The following TNNI3K variants were observed in gnomAD, a reference collection of about 807,000 sequenced individuals.
The protein encoded by TNNI3K is serine/threonine-protein kinase TNNI3K.
In TNNI3K, 140 loss-of-function variants were observed where a neutral mutation model predicts 114.5. The observed-to-expected ratio is 1.22, with a 90% CI of 1.07 to 1.41. The LOEUF is 1.41. Among genes scored for constraint, TNNI3K ranks in the 40% most tolerant of loss-of-function variants. The pLI is 0.00. For missense variants in TNNI3K, 1,125 were observed against 1,007.6 expected (o/e 1.12, Z -1.58); for synonymous variants, 347 against 347.5 (o/e 1.00, Z 0.02).
At chr1:74,500,973 A>T (rs1669595638) in intron 23 of TNNI3K, among the ~76,000 whole-genome samples, 1 of 152,020 alleles carries the variant, frequency 6.6e-6, no homozygotes, top group Non-Finnish European at 1.5e-5. Flanking sequence ...TTTACTTGTG[A>T]TATATTATGT....
intron 20 of TNNI3K, 91 bp from the exon 21 acceptor site, chr1:74,463,350 T>C: frequency 1.6e-5 from 23 of 1,405,288 alleles, no homozygotes; most frequent in Non-Finnish European, 2.3e-5. Flanking sequence ...CTCAGATTGA[T>C]TTTTAATGCC....
chr1:74,426,197 G>A (rs185318632), intron 17 of TNNI3K, among the ~76,000 whole-genome samples: 3 of 152,228 alleles, frequency 2.0e-5, no homozygotes, highest in Admixed American at 2.0e-4. Context: ...GGTAAAAGCA[G>A]TTTCCTTTCC....
chr1:74,300,798 TTTG>T lies in TNNI3K; in HGVS notation c.444+29096_444+29098del, dbSNP rs570162847. Among the ~76,000 whole-genome samples, 474 of 152,294 alleles carry T rather than the reference TTTG, an allele frequency of 3.1e-3. 2 individuals carry two copies. The highest frequency in any genetic ancestry group is 0.011 in the African/African-American group (449 of 41,562). On this transcript the variant is annotated intron_variant, in intron 5 of 24. Transcript: ENST00000326637. The stretch of plus-strand genomic sequence containing the variant: ...AACAAATTTAAATTTAAATGCCAGT[TTTG>T]TTGTTTGCTATCTGGCTAGCCTTGG...
At chr1:74,540,385 G>T in intron 24 of TNNI3K, 72 bp downstream of exon 24, 5 of 1,436,776 alleles carry the variant, frequency 3.5e-6, no homozygotes, top group Non-Finnish European at 4.8e-6. Context: ...TGACAAAAAG[G>T]GAGAAAGCAT....
chr1:74,466,575 G>A (rs1422233957), intron 21 of TNNI3K, among the ~76,000 whole-genome samples: 1 of 152,148 alleles, frequency 6.6e-6, no homozygotes, highest in African/African-American at 2.4e-5. Flanking sequence ...GATGAAGAGG[G>A]GAAGATGAAG....
chr1:74,501,226 T>C (rs1669608210), intron 23 of TNNI3K, among the ~76,000 whole-genome samples: 1 of 152,208 alleles, frequency 6.6e-6, no homozygotes, highest in Admixed American at 6.5e-5. Context: ...TCCAATTCAC[T>C]TATTCTCTCA....
intron 17 of TNNI3K, among the ~76,000 whole-genome samples, chr1:74,379,758 C>T (rs760561805): frequency 2.0e-5 from 3 of 152,096 alleles, no homozygotes; most frequent in Non-Finnish European, 2.9e-5. Flanking sequence ...CCCAAACATT[C>T]TCATGACATT....
chr1:74,445,760 G>A (rs376377502), intron 20 of TNNI3K, among the ~76,000 whole-genome samples: 54 of 151,706 alleles, frequency 3.6e-4, no homozygotes, highest in East Asian at 5.9e-4. Context: ...ACAGGCGCCC[G>A]CCACTACGCC....
At chr1:74,409,311 C>T (rs974815226) in intron 17 of TNNI3K, among the ~76,000 whole-genome samples, 11 of 152,106 alleles carry the variant, frequency 7.2e-5, no homozygotes, top group African/African-American at 2.4e-4. Flanking sequence ...ATCCAAATCT[C>T]CTTACTCAAT....
At chr1:74,255,524 T>C (rs371606923) in intron 4 of TNNI3K, among the ~76,000 whole-genome samples, 2 of 152,208 alleles carry the variant, frequency 1.3e-5, no homozygotes, top group African/African-American at 4.8e-5. Flanking sequence ...ATCTCTGCTT[T>C]CATTAATAAA....
At chr1:74,293,128 A>G (rs1434837671) in intron 5 of TNNI3K, among the ~76,000 whole-genome samples, 1 of 151,684 alleles carries the variant, frequency 6.6e-6, no homozygotes, top group East Asian at 1.9e-4. Flanking sequence ...ATTTTATTCT[A>G]CCCTAGACAG....
At chr1:74,313,425 G>C (rs1310527002) in intron 5 of TNNI3K, among the ~76,000 whole-genome samples, 5 of 152,180 alleles carry the variant, frequency 3.3e-5, no homozygotes, top group Admixed American at 3.3e-4. Flanking sequence ...AGCCACCCTA[G>C]ACTCATAATT....
chr1:74,488,262 C>A (rs1346559439), intron 21 of TNNI3K, among the ~76,000 whole-genome samples: 1 of 152,018 alleles, frequency 6.6e-6, no homozygotes, highest in Non-Finnish European at 1.5e-5. Flanking sequence ...TCCACTGCTC[C>A]CACTGCTCCC....
At chr1:74,521,774 G>A (rs191665978) in intron 23 of TNNI3K, among the ~76,000 whole-genome samples, 1 of 152,130 alleles carries the variant, frequency 6.6e-6, no homozygotes, top group African/African-American at 2.4e-5. Context: ...ATACATGAAT[G>A]AATAAATGGG....
intron 17 of TNNI3K, among the ~76,000 whole-genome samples, chr1:74,430,059 T>G (rs1290604390): frequency 6.6e-6 from 1 of 152,128 alleles, no homozygotes; most frequent in East Asian, 1.9e-4. Flanking sequence ...TTATGAATTT[T>G]TAAGTGACTT....
At chr1:74,497,109 TA>T (rs1452616154) in intron 23 of TNNI3K, among the ~76,000 whole-genome samples, 2 of 152,200 alleles carry the variant, frequency 1.3e-5, no homozygotes, top group African/African-American at 4.8e-5. Flanking sequence ...GAATGCAGTT[TA>T]TAAAAGTTGA....
chr1:74,253,729 C>T (rs557677623), intron 4 of TNNI3K, among the ~76,000 whole-genome samples: 1 of 152,232 alleles, frequency 6.6e-6, no homozygotes, highest in South Asian at 2.1e-4. Context: ...CCGTGCCTCT[C>T]CCTCCACACC....
chr1:74,255,353 CAAAA>C (rs10716634), intron 4 of TNNI3K, among the ~76,000 whole-genome samples: 2 of 101,038 alleles, frequency 2.0e-5, no homozygotes. Context: ...GACTCCGTCT[CAAAA>C]AAAAAAAAAA....
At position 74,250,689 on chromosome 1, in the gene TNNI3K, C is replaced by A; in HGVS notation, c.253C>A (p.Arg85=). ...TCTTTAAGGCAAGAAATCACATATT[C>A]GAACTCTTATGTTGAAAGGGCTCCG... The part of the protein sequence containing the change: ...CICGGKKSHI[R]TLMLKGLRPS... Residue 85 remains arginine (R), a synonymous_variant, in exon 4 of 25, where the codon CGA becomes AGA. Transcript: ENST00000326637. 1 of 1,610,858 alleles carries A rather than the reference C, an allele frequency of 6.2e-7. No individual in the cohort carries two copies. The highest frequency in any genetic ancestry group is 1.1e-5 in the South Asian group (1 of 90,190).
Sources: allele counts gnomAD v4.1 joint callset (sites outside exome capture counted in the v4.1 genomes callset), GRCh38; gene constraint gnomAD v4.1.1; transcripts MANE v1.5; gene names NCBI Gene and HGNC (gene_info 2026-07-23, HGNC 2026-07-21).